The following PRR13 variants were observed in gnomAD, a reference collection of about 807,000 sequenced individuals.
PRR13 encodes the protein proline rich 13, also known as proline-rich protein 13.
PRR13 carries 7 observed loss-of-function variants against 11.5 expected under a neutral mutation model. The observed-to-expected ratio is 0.61, with a 90% CI of 0.34 to 1.14. PRR13 has a LOEUF of 1.14. Ranked by LOEUF, PRR13 falls within the 50% of genes most tolerant of loss-of-function variation. The probability of loss-of-function intolerance (pLI) is 0.03; values close to 1 mark genes in which losing one functional copy is unlikely to be tolerated. For missense variants in PRR13, 155 were observed against 194.4 expected, an observed-to-expected ratio of 0.80 and a Z score of 1.21; for synonymous variants, 53 against 67.8, an observed-to-expected ratio of 0.78 and a Z score of 1.07.
In PRR13 at chr12:53,443,754, A is replaced by G. The variant is rs2136990557; in HGVS notation, c.383A>G (p.Lys128Arg). 2 of 1,606,958 alleles carry G rather than the reference A, an allele frequency of 1.2e-6. No individual in the cohort carries two copies. Among genetic ancestry groups the G allele is most frequent in the Admixed American group, 1.7e-5 (1 of 58,378 alleles). ...ATGCACAAGCACCAAAAGCACCACA[A>G]GTACCACAAGCATGGCAAGGTCAGT... ...KKMHKHQKHH[K>R]YHKHGKHSSS... The change falls in exon 3 of 4, where the codon AAG (lysine) becomes AGG (arginine). Residue 128 changes from lysine to arginine, a missense_variant. Transcript: ENST00000429243.
At chr12:53,442,921 G>A (rs1415604946) in intron 2 of PRR13, 188 bp downstream of exon 2, 2 of 491,922 alleles carry the variant, frequency 4.1e-6, no homozygotes, top group African/African-American at 4.0e-5. Context: ...AGTCTCTGTT[G>A]CCCAGGCTCA....
chr12:53,446,056 C>G lies in PRR13; in HGVS notation c.444C>G (p.Asp148Glu). The change falls in exon 4 of 4, where the codon GAC (aspartate) becomes GAG (glutamate). Residue 148 changes from aspartate to glutamate, a missense_variant. Transcript: ENST00000429243. ...SSSSSSSSDS[D>E] ...CCTCCTCTTCCAGCAGTGATTCTGA[C>G]TGAATACAGGCCCTGGACCCTTCCC... is the stretch of plus-strand genomic sequence containing the variant. The G allele has an allele frequency of 6.2e-7, 1 of 1,601,304 alleles. No homozygotes were observed. The highest frequency in any genetic ancestry group is 1.7e-5 in the Admixed American group (1 of 58,610).
intron 3 of PRR13, among the ~76,000 whole-genome samples, chr12:53,445,364 A>AAT (rs141408345): frequency 9.3e-5 from 14 of 150,484 alleles, no homozygotes; most frequent in Admixed American, 9.3e-4. Flanking sequence ...AAAAAAAAAA[A>AAT]GGTCTGAAGA....
intron 2 of PRR13, chr12:53,442,940 TC>T (rs1165381932): frequency 5.2e-5 from 24 of 457,594 alleles, no homozygotes; most frequent in Non-Finnish European, 9.1e-5. Context: ...CACTGCAACC[TC>T]CGCCTCCTGG....
rs1940404071 is a variant in PRR13 at position 53,446,592 on chromosome 12, A to G, written c.*533A>G. 1 of 157,602 alleles carries G rather than the reference A, an allele frequency of 6.3e-6. No individual in the cohort carries two copies. The highest frequency in any genetic ancestry group is 1.4e-5 in the Non-Finnish European group (1 of 71,702). 9.8% of individuals were successfully genotyped at this position (157,602 alleles called of 1,614,324 possible). A position where few individuals can be genotyped will look rare whatever the true frequency, so the allele number is the denominator to read the frequency against. On this transcript the variant is annotated 3_prime_UTR_variant, in exon 4 of 4. Transcript: ENST00000429243. ...CCTTACCTCTCCTCCTTAGCCCAAT[A>G]TGCTGTCTTGGGTCCTATTCAAATA... is the stretch of plus-strand genomic sequence containing the variant.
chr12:53,442,107 C>T (rs1592616453), intron 1 of PRR13: 3 of 439,800 alleles, frequency 6.8e-6, no homozygotes, highest in East Asian at 7.8e-5. Flanking sequence ...GATGGTGGGG[C>T]CGAGACTCGC....
chr12:53,446,263 T>A lies in PRR13; in HGVS notation c.*204T>A, dbSNP rs140296359. ...GCCTGGCCATCTTGTTGCTGCTTGG[T>A]TAGATCATATAGCTAATGAATTAGG... On this transcript the variant is annotated 3_prime_UTR_variant, in exon 4 of 4. Coordinates refer to ENST00000429243, the MANE Select transcript of PRR13 (RefSeq NM_018457.4). 3.6e-3 allele frequency: 2,743 copies of A among 767,704 alleles called. 37 individuals are homozygous for A. In the African/African-American group the frequency reaches 0.042, roughly 12 times the overall value. 47.6% of individuals were successfully genotyped at this position (767,704 alleles called of 1,614,324 possible).
intron 2 of PRR13, 44 bp downstream of exon 2, chr12:53,442,777 A>T: frequency 6.3e-7 from 1 of 1,576,886 alleles, no homozygotes; most frequent in Middle Eastern, 1.7e-4. Context: ...CCTTTTTCTG[A>T]TGGGCTCTAT....
At chr12:53,442,310 T>C (rs1940307702) in intron 1 of PRR13, 1 of 246,082 alleles carries the variant, frequency 4.1e-6, no homozygotes, top group African/African-American at 2.3e-5. Context: ...AGTGGCGCGG[T>C]CTCGGCTCAC....
At position 53,446,165 on chromosome 12, in the gene PRR13, C is replaced by G. The variant is rs528549671; in HGVS notation, c.*106C>G. ...AATGTAGCCCTTGTGCTCCCCACCC[C>G]CTACCTCCACCTGAGCCTCACCCTG... On this transcript the variant is annotated 3_prime_UTR_variant, in exon 4 of 4. Coordinates refer to ENST00000429243, the MANE Select transcript of PRR13 (RefSeq NM_018457.4). The G allele has an allele frequency of 6.3e-6, 10 of 1,576,802 alleles. No homozygotes were observed. The highest frequency in any genetic ancestry group is 4.5e-5 in the East Asian group (2 of 44,360).
intron 3 of PRR13, 95 bp downstream of exon 3, chr12:53,443,868 C>A: frequency 2.9e-6 from 4 of 1,374,786 alleles, no homozygotes; most frequent in Non-Finnish European, 3.9e-6. Flanking sequence ...ATTCTGTGGA[C>A]GTGAGGGATG....
intron 1 of PRR13, chr12:53,442,376 C>T (rs191028513): frequency 1.9e-3 from 527 of 270,796 alleles, no homozygotes; most frequent in Non-Finnish European, 3.1e-3. Flanking sequence ...TCCCGAATAA[C>T]TGGGATTACA....
chr12:53,443,588 C>T lies in PRR13; in HGVS notation c.217C>T (p.Pro73Ser). The change falls in exon 3 of 4, where the codon CCG (proline) becomes TCG (serine). Residue 73 changes from proline to serine, a missense_variant. By Grantham distance (74) the Pro-to-Ser change is moderately conservative. Coordinates refer to ENST00000429243, the MANE Select transcript of PRR13 (RefSeq NM_018457.4). ...VPQPGYPGCQ[P>S]LGPYPPPYPP... is the part of the protein sequence containing the mutation. ...ACAGCCAGGGTATCCAGGATGCCAACCGTTGGGTCCCTACCCTCCTCCATA... is the reference window on the plus strand; with the variant it reads ...ACAGCCAGGGTATCCAGGATGCCAATCGTTGGGTCCCTACCCTCCTCCATA... 3.1e-6 allele frequency: 5 copies of T among 1,610,876 alleles called. No individual in the cohort carries two copies. The East Asian group carries it at 8.9e-5, about 29-fold the overall frequency.
intron 3 of PRR13, chr12:53,443,978 C>G: frequency 1.4e-6 from 1 of 704,972 alleles, no homozygotes; most frequent in East Asian, 2.7e-5. Flanking sequence ...CTTCTCCTAT[C>G]TGGGGGGAGT....
intron 1 of PRR13, chr12:53,442,170 C>T (rs1272615507): frequency 3.1e-6 from 1 of 322,748 alleles, no homozygotes; most frequent in Non-Finnish European, 5.7e-6. Flanking sequence ...TGGAGGGGCC[C>T]TGGGAACTAG....
At chr12:53,444,275 T>C (rs1430492940) in intron 3 of PRR13, among the ~76,000 whole-genome samples, 1 of 151,762 alleles carries the variant, frequency 6.6e-6, no homozygotes, top group African/African-American at 2.4e-5. Flanking sequence ...GCAGAAAAAG[T>C]GAGGACAAGA....
intron 3 of PRR13, 151 bp from the exon 4 acceptor site, chr12:53,445,864 A>G: frequency 9.7e-7 from 1 of 1,033,026 alleles, no homozygotes; most frequent in Non-Finnish European, 1.5e-6. Context: ...GCTTTTGTTT[A>G]GGTACAGTCT....
chr12:53,441,811 TC>T lies in PRR13; in HGVS notation c.-21+21del, dbSNP rs1344053689. On this transcript the variant is annotated intron_variant, in intron 1 of 3. Coordinates refer to ENST00000429243, the MANE Select transcript of PRR13 (RefSeq NM_018457.4). ...TGGAAAGGTGATGGGGTATCTGGATTCCATAGGTTTTTCCTTTTCCCCTTGC... is the reference window on the plus strand; with the variant it reads ...TGGAAAGGTGATGGGGTATCTGGATTCATAGGTTTTTCCTTTTCCCCTTGC... 1 of 702,284 alleles carries T rather than the reference TC, an allele frequency of 1.4e-6. No individual in the cohort carries two copies. The highest frequency in any genetic ancestry group is 2.6e-6 in the Non-Finnish European group (1 of 384,794). 43.5% of individuals were successfully genotyped at this position (702,284 alleles called of 1,614,324 possible).
intron 3 of PRR13, among the ~76,000 whole-genome samples, chr12:53,444,723 C>T (rs369213829): frequency 2.0e-5 from 3 of 152,178 alleles, no homozygotes; most frequent in East Asian, 1.9e-4. Context: ...ATGGCTCATG[C>T]CTGTAATCCT....
Sources: gnomAD v4.1 joint callset for allele counts (sites outside exome capture counted in the v4.1 genomes callset) on GRCh38, gnomAD v4.1.1 for gene constraint, MANE v1.5 for transcripts, NCBI Gene and HGNC (gene_info 2026-07-23, HGNC 2026-07-21) for gene names.